The following ZNF599 variants were observed in gnomAD, a reference collection of about 807,000 sequenced individuals.
The protein encoded by ZNF599 is zinc finger protein 599.
A neutral mutation model predicts 11.7 loss-of-function variants in ZNF599; 10 were observed. That is an observed-to-expected ratio of 0.86 (90% CI 0.53 to 1.45). The LOEUF is 1.45. ZNF599 is among the 40% of genes most tolerant of loss of function. The probability of loss-of-function intolerance (pLI) is 0.00; values close to 1 mark genes in which losing one functional copy is unlikely to be tolerated. For synonymous variants in ZNF599, 232 were observed against 253.2 expected (o/e 0.92, Z 0.79); for missense variants, 688 against 713.6 (o/e 0.96, Z 0.41).
At chr19:34,785,445 C>T in the ZNF599 span, among the ~76,000 whole-genome samples, 2 of 152,268 alleles carry the variant, frequency 1.3e-5, no homozygotes, top group South Asian at 2.1e-4. Context: ...CTGTTCCCAA[C>T]CTTCAGGGCT....
chr19:34,769,370 G>C (rs1375328546), intron 2 of ZNF599, 59 bp downstream of exon 2: 3 of 1,612,736 alleles, frequency 1.9e-6, no homozygotes, highest in East Asian at 4.5e-5. Context: ...GCCATGCCTA[G>C]AAAGGGTGGA....
At chr19:34,787,393 C>T in the ZNF599 span, among the ~76,000 whole-genome samples, 3 of 152,270 alleles carry the variant, frequency 2.0e-5, no homozygotes, top group East Asian at 5.8e-4. Flanking sequence ...GAGTTAATCA[C>T]TGAAAGTTTT....
At chr19:34,769,336 T>C (rs2069166591) in intron 2 of ZNF599, 93 bp downstream of exon 2, 2 of 1,573,828 alleles carry the variant, frequency 1.3e-6, no homozygotes, top group African/African-American at 1.4e-5. Context: ...TCAGGGAAGG[T>C]TGGGTTCTGA....
At chr19:34,796,040 C>T in the ZNF599 span, among the ~76,000 whole-genome samples, 5 of 152,026 alleles carry the variant, frequency 3.3e-5, no homozygotes, top group Admixed American at 2.6e-4. Context: ...AGGCTGGTCT[C>T]GAACTCCCGA....
the ZNF599 span, among the ~76,000 whole-genome samples, chr19:34,780,333 C>G: frequency 2.2e-4 from 34 of 152,064 alleles, no homozygotes; most frequent in African/African-American, 8.2e-4. Context: ...CATGATGAGA[C>G]CCTGTCTCTA....
At chr19:34,804,659 A>ACTC in the ZNF599 span, among the ~76,000 whole-genome samples, 1 of 151,944 alleles carries the variant, frequency 6.6e-6, no homozygotes, top group East Asian at 1.9e-4. Context: ...GAAATATCTC[A>ACTC]CTCTTCACAT....
At chr19:34,797,449 A>G in the ZNF599 span, among the ~76,000 whole-genome samples, 6 of 151,884 alleles carry the variant, frequency 4.0e-5, no homozygotes, top group African/African-American at 1.2e-4. Context: ...AAGTGTTCCT[A>G]TTTCTCCACA....
chr19:34,769,366 C>A (rs2069166906), intron 2 of ZNF599, 63 bp downstream of exon 2: 1 of 1,612,114 alleles, frequency 6.2e-7, no homozygotes, highest in Non-Finnish European at 8.5e-7. Flanking sequence ...ACCAGCCATG[C>A]CTAGAAAGGG....
the ZNF599 span, among the ~76,000 whole-genome samples, chr19:34,783,956 ACATGG>A: frequency 6.6e-6 from 1 of 152,212 alleles, no homozygotes; most frequent in Non-Finnish European, 1.5e-5. Context: ...TTCCCTCTGT[ACATGG>A]CATGCAAAGA....
rs774489747 is a variant in ZNF599 at position 34,759,812 on chromosome 19, A to G, written c.989T>C (p.Met330Thr). 2.5e-6 allele frequency: 4 copies of G among 1,614,172 alleles called. No homozygotes were observed. The highest frequency in any genetic ancestry group is 3.4e-6 in the Non-Finnish European group (4 of 1,180,030). Reference sequence around the variant, plus strand: ...GAGTTTCTTTCCAGTATGAATCCTCATATGTTGAGCAAATGAGGAGCTGTA... The same window carrying G: ...GAGTTTCTTTCCAGTATGAATCCTCGTATGTTGAGCAAATGAGGAGCTGTA... ...FYYSSSFAQHMRIHTGKKLYE... is the reference protein window; with the variant it reads ...FYYSSSFAQHTRIHTGKKLYE... The change falls in exon 4 of 4, where the codon ATG (methionine) becomes ACG (threonine). Residue 330 changes from methionine (M) to threonine (T), a missense_variant. Coordinates refer to ENST00000329285, the MANE Select transcript of ZNF599 (RefSeq NM_001007248.3).
chr19:34,772,965 A>C lies in ZNF599; in HGVS notation c.-124T>G. On this transcript the variant is annotated 5_prime_UTR_variant, in exon 1 of 4. Transcript: ENST00000329285. ...CAGTCCCCGCCGTCGTGTAAAATGC[A>C]CACAAGGTTCGCGGCGCCGCCTCTG... is the stretch of plus-strand genomic sequence containing the variant. 1 of 1,206,676 alleles carries C rather than the reference A, an allele frequency of 8.3e-7. No individual in the cohort carries two copies. Among genetic ancestry groups the C allele is most frequent in the Non-Finnish European group, 1.1e-6 (1 of 912,684 alleles). The allele number at this position is 1,206,676 out of a possible 1,614,324, so 74.7% of individuals were successfully genotyped here. A position where few individuals can be genotyped will look rare whatever the true frequency, so the allele number is the denominator to read the frequency against.
At chr19:34,770,643 A>G (rs2145464055) in intron 1 of ZNF599, among the ~76,000 whole-genome samples, 1 of 152,320 alleles carries the variant, frequency 6.6e-6, no homozygotes, top group Middle Eastern at 3.4e-3. Context: ...CCTTAGGTAC[A>G]GGTAACACAA....
upstream of ZNF599, among the ~76,000 whole-genome samples, chr19:34,777,552 TA>T (rs2069227775): frequency 8.0e-6 from 1 of 124,344 alleles, no homozygotes; most frequent in South Asian, 2.2e-4. Flanking sequence ...CTATATTATA[TA>T]TAATATTATG....
chr19:34,804,468 T>C, the ZNF599 span, among the ~76,000 whole-genome samples: 5 of 152,318 alleles, frequency 3.3e-5, no homozygotes, highest in South Asian at 8.3e-4. Flanking sequence ...CTCCCCTTCT[T>C]GGCCAGCTGA....
At chr19:34,778,508 C>G in the ZNF599 span, among the ~76,000 whole-genome samples, 1 of 152,056 alleles carries the variant, frequency 6.6e-6, no homozygotes, top group South Asian at 2.1e-4. Flanking sequence ...ATAGATGTCT[C>G]CAGGTTTAGA....
At chr19:34,760,640 T>C in intron 3 of ZNF599, 81 bp from the exon 4 acceptor site, 1 of 1,296,178 alleles carries the variant, frequency 7.7e-7, no homozygotes, top group Non-Finnish European at 1.0e-6. Context: ...AGCAGAAGAA[T>C]GAAGGTGAAA....
At chr19:34,767,523 GC>G in intron 2 of ZNF599, 112 bp from the exon 3 acceptor site, 1 of 705,636 alleles carries the variant, frequency 1.4e-6, no homozygotes, top group Non-Finnish European at 2.3e-6. Context: ...CCCAGAAAGG[GC>G]CCTCCCCTGC....
the ZNF599 span, among the ~76,000 whole-genome samples, chr19:34,800,025 C>T: frequency 6.6e-6 from 1 of 152,134 alleles, no homozygotes; most frequent in South Asian, 2.1e-4. Context: ...ATTATATTCC[C>T]GAATGACATA....
chr19:34,796,670 C>T, the ZNF599 span, among the ~76,000 whole-genome samples: 1 of 152,134 alleles, frequency 6.6e-6, no homozygotes, highest in African/African-American at 2.4e-5. Context: ...TTCTTTTCCT[C>T]TGTGGGAAAG....
Sources: gnomAD v4.1 joint callset for allele counts (sites outside exome capture counted in the v4.1 genomes callset) on GRCh38, gnomAD v4.1.1 for gene constraint, MANE v1.5 for transcripts, NCBI Gene and HGNC (gene_info 2026-07-23, HGNC 2026-07-21) for gene names.